The following ROBO2 variants were observed in gnomAD, a reference collection of about 807,000 sequenced individuals.
ROBO2 encodes roundabout homolog 2.
ROBO2 carries 53 observed loss-of-function variants against 160.8 expected under a neutral mutation model. That is an observed-to-expected ratio of 0.33 (90% CI 0.26 to 0.41). The LOEUF (loss-of-function observed/expected upper bound fraction) is 0.41. Ranked by LOEUF, ROBO2 falls within the 10% of genes least tolerant of loss-of-function variation. The pLI is 1.00. For missense variants in ROBO2, 1,577 were observed against 1,722.4 expected, an observed-to-expected ratio of 0.92 and a Z score of 1.49; for synonymous variants, 664 against 611.7, an observed-to-expected ratio of 1.09 and a Z score of -1.26.
chr3:76,936,527 C>T (rs2077712341), intron 2 of ROBO2, among the ~76,000 whole-genome samples: 4 of 151,776 alleles, frequency 2.6e-5, no homozygotes, highest in Admixed American at 2.0e-4. Context: ...GAAGGTGTGA[C>T]CTGAAGGATT....
At chr3:77,374,270 G>A (rs1482812569) in intron 2 of ROBO2, among the ~76,000 whole-genome samples, 1 of 139,338 alleles carries the variant, frequency 7.2e-6, no homozygotes, top group Non-Finnish European at 1.5e-5. Flanking sequence ...GCCAGTCTTA[G>A]TTTTTTTGGT....
chr3:76,795,235 G>T (rs1052454467), intron 2 of ROBO2, among the ~76,000 whole-genome samples: 1 of 152,046 alleles, frequency 6.6e-6, no homozygotes, highest in Non-Finnish European at 1.5e-5. Context: ...GTGGTTGAAG[G>T]TTAGGGGAGC....
chr3:77,142,554 C>A (rs1341947883), intron 2 of ROBO2, among the ~76,000 whole-genome samples: 1 of 152,146 alleles, frequency 6.6e-6, no homozygotes, highest in Admixed American at 6.5e-5. Flanking sequence ...AATCTGTCTT[C>A]TTTGCTATTG....
At chr3:76,075,200 C>T (rs897999699) in intron 2 of ROBO2, among the ~76,000 whole-genome samples, 1 of 151,784 alleles carries the variant, frequency 6.6e-6, no homozygotes, top group African/African-American at 2.4e-5. Context: ...CCAGGGCCAC[C>T]TTGTGATGGC....
intron 2 of ROBO2, among the ~76,000 whole-genome samples, chr3:77,002,783 T>C (rs1465955506): frequency 2.0e-5 from 3 of 152,144 alleles, no homozygotes; most frequent in Non-Finnish European, 2.9e-5. Context: ...TGTTTTCCTT[T>C]TTGATCTGGC....
chr3:77,110,241 A>T (rs1036016020), intron 2 of ROBO2, among the ~76,000 whole-genome samples: 2 of 152,184 alleles, frequency 1.3e-5, no homozygotes, highest in Non-Finnish European at 2.9e-5. Flanking sequence ...GAATATCCAA[A>T]GATAACTTGA....
intron 2 of ROBO2, among the ~76,000 whole-genome samples, chr3:76,489,735 A>T (rs978164120): frequency 1.3e-5 from 2 of 152,124 alleles, no homozygotes; most frequent in African/African-American, 4.8e-5. Context: ...TAGGTGAATT[A>T]AACCAATTAT....
At chr3:76,470,944 A>G (rs1325388084) in intron 2 of ROBO2, among the ~76,000 whole-genome samples, 1 of 152,136 alleles carries the variant, frequency 6.6e-6, no homozygotes, top group East Asian at 1.9e-4. Context: ...TATAGTAATA[A>G]TGTAGTTTTA....
intron 16 of ROBO2, among the ~76,000 whole-genome samples, chr3:77,582,316 C>A (rs2153678239): frequency 6.6e-6 from 1 of 152,218 alleles, no homozygotes; most frequent in East Asian, 1.9e-4. Context: ...GGCCAGGCTG[C>A]TCTCGAATTC....
intron 2 of ROBO2, among the ~76,000 whole-genome samples, chr3:75,940,963 T>C (rs1948028775): frequency 6.6e-6 from 1 of 152,138 alleles, no homozygotes; most frequent in African/African-American, 2.4e-5. Flanking sequence ...CAGCAACCCA[T>C]AGTTCTGGCT....
chr3:77,221,045 T>C (rs1462400428), intron 2 of ROBO2, among the ~76,000 whole-genome samples: 2 of 152,210 alleles, frequency 1.3e-5, no homozygotes, highest in Non-Finnish European at 2.9e-5. Context: ...AGCTTTCCAA[T>C]GCATCTTGGG....
intron 2 of ROBO2, among the ~76,000 whole-genome samples, chr3:77,467,904 A>C (rs2082953102): frequency 6.6e-6 from 1 of 152,152 alleles, no homozygotes; most frequent in African/African-American, 2.4e-5. Context: ...TGTGGAGGAG[A>C]ACAGAATGTG....
At chr3:76,544,617 T>A (rs1378359229) in intron 2 of ROBO2, among the ~76,000 whole-genome samples, 1 of 152,024 alleles carries the variant, frequency 6.6e-6, no homozygotes, top group Non-Finnish European at 1.5e-5. Flanking sequence ...TCTGTCCACA[T>A]AGTTGTTGGC....
At chr3:76,192,713 A>C (rs540781695) in intron 2 of ROBO2, among the ~76,000 whole-genome samples, 1 of 152,180 alleles carries the variant, frequency 6.6e-6, no homozygotes, top group East Asian at 1.9e-4. Context: ...AATTGTGATA[A>C]CTTCAATTTA....
At chr3:75,931,575 C>T (rs1947539492) in intron 1 of ROBO2, among the ~76,000 whole-genome samples, 1 of 152,122 alleles carries the variant, frequency 6.6e-6, no homozygotes, top group Admixed American at 6.6e-5. Flanking sequence ...TGGTCTTAAA[C>T]TCCTGGACTC....
At chr3:77,576,596 A>G (rs2093771254) in intron 14 of ROBO2, among the ~76,000 whole-genome samples, 1 of 152,140 alleles carries the variant, frequency 6.6e-6, no homozygotes, top group African/African-American at 2.4e-5. Flanking sequence ...ACATTAAATG[A>G]GAGATGTGGC....
chr3:76,692,943 A>G (rs1205740889), intron 2 of ROBO2, among the ~76,000 whole-genome samples: 2 of 150,784 alleles, frequency 1.3e-5, no homozygotes, highest in Non-Finnish European at 3.0e-5. Context: ...GTGTATATAT[A>G]GTGTACATAC....
chr3:77,021,933 A>G (rs2062662449), intron 2 of ROBO2, among the ~76,000 whole-genome samples: 1 of 152,144 alleles, frequency 6.6e-6, no homozygotes, highest in South Asian at 2.1e-4. Context: ...AATATGAGAA[A>G]TACATTTATT....
chr3:76,052,080 A>T (rs957120319), intron 2 of ROBO2, among the ~76,000 whole-genome samples: 2 of 152,094 alleles, frequency 1.3e-5, no homozygotes, highest in African/African-American at 4.8e-5. Flanking sequence ...CACCTCATAA[A>T]TTTAAAAGTT....
Sources: gnomAD v4.1 joint callset for allele counts (sites outside exome capture counted in the v4.1 genomes callset) on GRCh38, gnomAD v4.1.1 for gene constraint, MANE v1.5 for transcripts, NCBI Gene and HGNC (gene_info 2026-07-23, HGNC 2026-07-21) for gene names.